Variants in COL9A2 observed in about 807,000 individuals in gnomAD.
The protein encoded by COL9A2 is collagen alpha-2(IX) chain.
Under a neutral mutation model 111.6 loss-of-function variants are expected in COL9A2, and 66 were observed. The observed-to-expected ratio is 0.59, with a 90% CI of 0.48 to 0.73. The LOEUF (loss-of-function observed/expected upper bound fraction) is 0.73. COL9A2 is among the 30% of genes least tolerant of loss of function. COL9A2 has a pLI of 0.00. For missense variants in COL9A2, 881 were observed against 954.1 expected, an observed-to-expected ratio of 0.92 and a Z score of 1.01; for synonymous variants, 353 against 364.1, an observed-to-expected ratio of 0.97 and a Z score of 0.35.
In COL9A2 at chr1:40,307,825, G is replaced by T; in HGVS notation, c.901-69C>A. On this transcript the variant is annotated intron_variant, in intron 17 of 31. Transcript: ENST00000372748. This position sits in a 1 kb window ranked among gnomAD's most constrained non-coding sequence, Gnocchi z 4.8. ...GTCTGGGGTCTGGCCACCCACCCCT[G>T]TTCCTCTGAGACAGCTGCAGTGTGC... 6.6e-7 allele frequency: 1 copy of T among 1,525,408 alleles called. No individual in the cohort carries two copies. Among genetic ancestry groups the T allele is most frequent in the South Asian group, 1.1e-5 (1 of 88,110 alleles). 94.5% of individuals were successfully genotyped at this position (1,525,408 alleles called of 1,614,324 possible).
At chr1:40,306,936 C>T (rs1644039237) in intron 19 of COL9A2, among the ~76,000 whole-genome samples, 1 of 151,670 alleles carries the variant, frequency 6.6e-6, no homozygotes, top group Non-Finnish European at 1.5e-5. Flanking sequence ...CCTCCGCCTC[C>T]TGGGCTCAAG....
In COL9A2 at chr1:40,316,810, G is replaced by A. The variant is rs1644226705; in HGVS notation, c.75+313C>T. ...GCGCAGCGGGTGAATGAGCACCATT[G>A]TATGCCCCGCCACCTGGGCTCCCCG... On this transcript the variant is annotated intron_variant, in intron 1 of 31. Coordinates refer to ENST00000372748, the MANE Select transcript of COL9A2 (RefSeq NM_001852.4). The surrounding 1 kb of genome is among the most constrained non-coding windows in gnomAD (Gnocchi z 5.5). The A allele has an allele frequency of 1.4e-5, 7 of 485,710 alleles. No homozygotes were observed. The highest frequency in any genetic ancestry group is 2.3e-5 in the Non-Finnish European group (6 of 265,188). The allele number at this position is 485,710 out of a possible 1,614,324, so 30.1% of individuals were successfully genotyped here.
Position 40,311,628 on chromosome 1 carries a change from C to G in COL9A2, c.471+34G>C. 3.1e-6 allele frequency: 5 copies of G among 1,613,910 alleles called. No homozygotes were observed. The highest frequency in any genetic ancestry group is 3.4e-6 in the Non-Finnish European group (4 of 1,179,806). ...CTCAAAGACCCTTCTCCTTCCCCTG[C>G]ACTTTGCCATGTCGGGGGTCTGGGG... On this transcript the variant is annotated intron_variant, in intron 9 of 31. Coordinates refer to ENST00000372748, the MANE Select transcript of COL9A2 (RefSeq NM_001852.4). The surrounding 1 kb of genome is among the most constrained non-coding windows in gnomAD (Gnocchi z 5.1).
intron 4 of COL9A2, among the ~76,000 whole-genome samples, chr1:40,313,283 C>T (rs183295160): frequency 6.6e-6 from 1 of 152,250 alleles, no homozygotes; most frequent in African/African-American, 2.4e-5. Context: ...ATTCTTGTGC[C>T]CCAGCCTCCC....
rs748492623 is a variant in COL9A2 at position 40,311,887 on chromosome 1, G to C, written c.417+172C>G. ...ATTGACAGGGGATGGGGCCAGCGGC[G>C]TCCCTAAAAGACCTAGTGCCGGGTG... is the stretch of plus-strand genomic sequence containing the variant. On this transcript the variant is annotated intron_variant, in intron 8 of 31. Transcript: ENST00000372748. This position sits in a 1 kb window ranked among gnomAD's most constrained non-coding sequence, Gnocchi z 5.1. Among the ~76,000 whole-genome samples, 5 of 152,198 alleles carry C rather than the reference G, an allele frequency of 3.3e-5. No individual in the cohort carries two copies. Among genetic ancestry groups the C allele is most frequent in the Non-Finnish European group, 5.9e-5 (4 of 68,028 alleles).
In COL9A2 at chr1:40,314,450, C is replaced by A. The variant is rs1040835517; in HGVS notation, c.151-63G>T. On this transcript the variant is annotated intron_variant, in intron 2 of 31. Transcript: ENST00000372748. This position sits in a 1 kb window ranked among gnomAD's most constrained non-coding sequence, Gnocchi z 4.1. Reference sequence around the variant, plus strand: ...TCACACTACCCCAAGTGGGCACACACAGGCCCTGGCAGGCCGCTCCCAAAG... The same window carrying A: ...TCACACTACCCCAAGTGGGCACACAAAGGCCCTGGCAGGCCGCTCCCAAAG... 4 of 1,588,732 alleles carry A rather than the reference C, an allele frequency of 2.5e-6. No individual in the cohort carries two copies. In the Admixed American group the frequency reaches 5.0e-5, roughly 20 times the overall value.
intron 16 of COL9A2, among the ~76,000 whole-genome samples, chr1:40,309,137 T>A (rs933742893): frequency 6.6e-6 from 1 of 151,818 alleles, no homozygotes; most frequent in Non-Finnish European, 1.5e-5. Context: ...GCCACTTGGG[T>A]GGCTGAGGCA....
rs752340575 is a variant in COL9A2, at chr1:40,310,226, C to A, written c.738+38G>T. 6.2e-7 allele frequency: 1 copy of A among 1,613,876 alleles called. No individual in the cohort carries two copies. The highest frequency in any genetic ancestry group is 8.5e-7 in the Non-Finnish European group (1 of 1,179,740). On this transcript the variant is annotated intron_variant, in intron 14 of 31. Transcript: ENST00000372748. The surrounding 1 kb of genome is among the most constrained non-coding windows in gnomAD (Gnocchi z 4.9). The stretch of plus-strand genomic sequence containing the variant: ...GAACTCCAGGGGCCAGAAGGCAGCT[C>A]CTGGAAGCTCTTGTAGAACACCCCA...
chr1:40,308,325 ACAGTGGCCTCTAGGTCC>A (rs2124075198), intron 16 of COL9A2, 80 bp from the exon 17 acceptor site: 4 of 1,429,144 alleles, frequency 2.8e-6, no homozygotes, highest in Non-Finnish European at 3.9e-6. Flanking sequence ...ACCACTGAGA[ACAGTGGCCTCTAGGTCC>A]CAGAGTTCCT....
In COL9A2 at chr1:40,311,764, C is replaced by T. The variant is rs201027943; in HGVS notation, c.418-49G>A. The T allele has an allele frequency of 1.3e-3, 2,127 of 1,591,532 alleles. 5 individuals are homozygous for T. The highest frequency in any genetic ancestry group is 1.7e-3 in the Non-Finnish European group (1,978 of 1,160,420). ...CATACCCCTGACCAGCCCTTACCAG[C>T]TTACCCTAGTGCCCTCCTCCAGGTC... is the stretch of plus-strand genomic sequence containing the variant. On this transcript the variant is annotated intron_variant, in intron 8 of 31. Transcript: ENST00000372748. The surrounding 1 kb of genome is among the most constrained non-coding windows in gnomAD (Gnocchi z 5.1).
Position 40,303,325 on chromosome 1 carries a change from C to T in COL9A2, c.1549-140G>A, listed in dbSNP as rs1643945524. ...TTCCCAAGCTGAGGAACAGATTGTA[C>T]CTGGGCAGGGCCAAGGGCTTACTTG... is the stretch of plus-strand genomic sequence containing the variant. On this transcript the variant is annotated intron_variant, in intron 28 of 31. Transcript: ENST00000372748. The surrounding 1 kb of genome is among the most constrained non-coding windows in gnomAD (Gnocchi z 4.6). 7.8e-6 allele frequency: 9 copies of T among 1,155,104 alleles called. No individual in the cohort carries two copies. In the South Asian group the frequency reaches 1.2e-4, roughly 16 times the overall value. The allele number at this position is 1,155,104 out of a possible 1,614,324, so 71.6% of individuals were successfully genotyped here. A position where few individuals can be genotyped will look rare whatever the true frequency, so the allele number is the denominator to read the frequency against.
In COL9A2 at chr1:40,307,452, G is replaced by C. The variant is rs2124070797; in HGVS notation, c.1002C>G (p.Gly334=). 1 of 1,614,022 alleles carries C rather than the reference G, an allele frequency of 6.2e-7. No individual in the cohort carries two copies. Among genetic ancestry groups the C allele is most frequent in the South Asian group, 1.1e-5 (1 of 91,036 alleles). ...AGQPGSPGHQ[G]LAGVPGQPGT... is the part of the protein sequence containing the mutation. The stretch of plus-strand genomic sequence containing the variant: ...GGCTCCACCTGACACTTACCGCTAG[G>C]CCCTGGTGGCCTGGACTTCCGGGCT... The change falls in exon 19 of 32, where the codon GGC becomes GGG. Residue 334 remains glycine, a synonymous_variant. Transcript: ENST00000372748. This position sits in a 1 kb window ranked among gnomAD's most constrained non-coding sequence, Gnocchi z 4.8.
At chr1:40,304,557 T>G in intron 22 of COL9A2, 28 bp from the exon 23 acceptor site, 1 of 1,613,002 alleles carries the variant, frequency 6.2e-7, no homozygotes, top group African/African-American at 1.3e-5. Flanking sequence ...GGTCACAACC[T>G]CAGCAGCTCT....
At chr1:40,308,395 T>C in intron 16 of COL9A2, 150 bp from the exon 17 acceptor site, 1 of 820,214 alleles carries the variant, frequency 1.2e-6, no homozygotes, top group Admixed American at 2.0e-5. Flanking sequence ...GAGAGAGCCT[T>C]GGGAGTACCC....
chr1:40,312,864 C>G lies in COL9A2; in HGVS notation c.250-80G>C. The G allele has an allele frequency of 7.5e-7, 1 of 1,341,722 alleles. No homozygotes were observed. The allele number at this position is 1,341,722 out of a possible 1,614,324, so 83.1% of individuals were successfully genotyped here. A position where few individuals can be genotyped will look rare whatever the true frequency, so the allele number is the denominator to read the frequency against. ...CAGAGCAGGGCAGGTTCAAGGGTCC[C>G]TCCTGGGTGGGCCGAGGCTCCTTTT... On this transcript the variant is annotated intron_variant, in intron 4 of 31. Coordinates refer to ENST00000372748, the MANE Select transcript of COL9A2 (RefSeq NM_001852.4). The surrounding 1 kb of genome is among the most constrained non-coding windows in gnomAD (Gnocchi z 6.0).
chr1:40,316,155 C>T lies in COL9A2; in HGVS notation c.76-491G>A, dbSNP rs894325315. ...CGTGAACGACAGGCAGAGACAGCGCCTCCTCCTCTCCCCATGGTGCGGGAA... is the reference window on the plus strand; with the variant it reads ...CGTGAACGACAGGCAGAGACAGCGCTTCCTCCTCTCCCCATGGTGCGGGAA... On this transcript the variant is annotated intron_variant, in intron 1 of 31. Transcript: ENST00000372748. The surrounding 1 kb of genome is among the most constrained non-coding windows in gnomAD (Gnocchi z 5.5). The T allele has an allele frequency of 1.2e-5, 2 of 162,344 alleles. No individual in the cohort carries two copies. The highest frequency in any genetic ancestry group is 2.7e-5 in the Non-Finnish European group (2 of 73,772). 10.1% of individuals were successfully genotyped at this position (162,344 alleles called of 1,614,324 possible).
chr1:40,313,052 C>T (rs1034867304), intron 4 of COL9A2, among the ~76,000 whole-genome samples: 6 of 152,218 alleles, frequency 3.9e-5, no homozygotes, highest in African/African-American at 1.2e-4. Flanking sequence ...TTCATGCCTC[C>T]GGGTTCAGGA....
chr1:40,315,923 G>T, intron 1 of COL9A2: 2 of 408,542 alleles, frequency 4.9e-6, no homozygotes, highest in Non-Finnish European at 8.8e-6. Context: ...AACGTGAAGG[G>T]TCCATGGTCA....
intron 21 of COL9A2, among the ~76,000 whole-genome samples, 166 bp downstream of exon 21, chr1:40,305,549 C>T (rs968919066): frequency 1.3e-5 from 2 of 152,230 alleles, no homozygotes; most frequent in East Asian, 3.8e-4. Context: ...TCCCCACCCT[C>T]CCTGCAATGT....
Sources: allele counts gnomAD v4.1 joint callset (sites outside exome capture counted in the v4.1 genomes callset), GRCh38; gene constraint gnomAD v4.1.1; non-coding constraint Gnocchi (gnomAD v3.1); transcripts MANE v1.5; gene names NCBI Gene and HGNC (gene_info 2026-07-23, HGNC 2026-07-21).